MYO16: variants seen among roughly 807,000 people sequenced by gnomAD.
MYO16 encodes unconventional myosin-XVI.
In MYO16, 94 loss-of-function variants were observed where a neutral mutation model predicts 205.3. The ratio of observed to expected loss-of-function variants is 0.46; its 90% CI spans 0.39 to 0.54. MYO16 has a LOEUF of 0.54. MYO16 is among the 20% of genes least tolerant of loss of function. The pLI is 0.00. For missense variants in MYO16, 2,315 were observed against 2,387.5 expected (o/e 0.97, Z 0.63); for synonymous variants, 988 against 954.0 (o/e 1.04, Z -0.66).
chr13:108,510,485 T>TTTTTTTTTTTTTTTTTTTTA, the MYO16 span, among the ~76,000 whole-genome samples: 1 of 96,440 alleles, frequency 1.0e-5, no homozygotes, highest in Non-Finnish European at 2.2e-5. Flanking sequence ...TTTTTTTTTT[T>TTTTTTTTTTTTTTTTTTTTA]ATTGTACTTT....
At chr13:109,040,282 G>GA (rs1197275863) in intron 23 of MYO16, among the ~76,000 whole-genome samples, 1 of 150,838 alleles carries the variant, frequency 6.6e-6, no homozygotes, top group African/African-American at 2.4e-5. Flanking sequence ...ATCTTTTCTA[G>GA]AAAATAGAAA....
intron 23 of MYO16, among the ~76,000 whole-genome samples, chr13:109,023,040 T>A (rs1886148143): frequency 7.4e-6 from 1 of 134,368 alleles, no homozygotes; most frequent in Non-Finnish European, 1.5e-5. Flanking sequence ...TATATATTAA[T>A]ACACACATGT....
At position 109,055,673 on chromosome 13, in the gene MYO16, A is replaced by C; in HGVS notation, c.3335+78A>C. 7.5e-7 allele frequency: 1 copy of C among 1,325,014 alleles called. No individual in the cohort carries two copies. 82.1% of individuals were successfully genotyped at this position (1,325,014 alleles called of 1,614,324 possible). On this transcript the variant is annotated intron_variant, in intron 27 of 34. Coordinates refer to ENST00000457511, the MANE Select transcript of MYO16 (RefSeq NM_001198950.3). The surrounding 1 kb of genome is among the most constrained non-coding windows in gnomAD (Gnocchi z 5.0). ...TACTGACACTGACACTATTGTAGCAAGGGTCTTCTGTTGTCTTTTTTGGCA... is the reference window on the plus strand; with the variant it reads ...TACTGACACTGACACTATTGTAGCACGGGTCTTCTGTTGTCTTTTTTGGCA...
chr13:108,556,980 C>G, the MYO16 span, among the ~76,000 whole-genome samples: 3 of 151,964 alleles, frequency 2.0e-5, no homozygotes, highest in Admixed American at 6.6e-5. Flanking sequence ...TATTTTGTTC[C>G]ATTAGCCTAT....
chr13:109,179,095 C>G (rs1879343302), intron 33 of MYO16, among the ~76,000 whole-genome samples: 1 of 152,282 alleles, frequency 6.6e-6, no homozygotes, highest in East Asian at 1.9e-4. Flanking sequence ...ATCAGACACA[C>G]AGGCTTAGTT....
chr13:108,979,465 T>C (rs1052929240), intron 20 of MYO16, among the ~76,000 whole-genome samples: 1 of 152,110 alleles, frequency 6.6e-6, no homozygotes, highest in Non-Finnish European at 1.5e-5. Flanking sequence ...TGACACACCA[T>C]GTTTTTCCCT....
the MYO16 span, among the ~76,000 whole-genome samples, chr13:108,508,253 GA>G: frequency 0.44 from 63,204 of 144,838 alleles, 13,615 homozygotes; most frequent in Middle Eastern, 0.53. Flanking sequence ...TTGGGCATTT[GA>G]AAAAAAAAAA....
At chr13:109,095,013 CACAGACTTTGTGCTCAGTCAAT>C (rs1217905077) in intron 27 of MYO16, among the ~76,000 whole-genome samples, 2 of 152,214 alleles carry the variant, frequency 1.3e-5, no homozygotes, top group African/African-American at 4.8e-5. Flanking sequence ...GCATCCCCAG[CACAGACTTTGTGCTCAGTCAAT>C]ACTGGTGAAT....
chr13:108,934,157 G>C (rs545804887), intron 16 of MYO16, among the ~76,000 whole-genome samples: 2 of 152,208 alleles, frequency 1.3e-5, no homozygotes, highest in Non-Finnish European at 2.9e-5. Flanking sequence ...TGAGTTTCTT[G>C]AGAACTCTCC....
intron 22 of MYO16, among the ~76,000 whole-genome samples, chr13:109,013,108 T>TCCCCCCCCCCCCCCCCCCCCC (rs1177754621): frequency 6.1e-5 from 2 of 32,612 alleles, no homozygotes; most frequent in African/African-American, 1.1e-4. Flanking sequence ...ATGCTACCCC[T>TCCCCCCCCCCCCCCCCCCCCC]CCCCCACCCC....
chr13:109,082,702 G>C (rs922458601), intron 27 of MYO16, among the ~76,000 whole-genome samples: 4 of 152,032 alleles, frequency 2.6e-5, no homozygotes, highest in African/African-American at 9.7e-5. Flanking sequence ...GGGCCTGGTG[G>C]CCCTCGCCTG....
intron 32 of MYO16, among the ~76,000 whole-genome samples, chr13:109,153,966 C>T (rs1388696984): frequency 2.0e-5 from 3 of 152,250 alleles, no homozygotes; most frequent in African/African-American, 7.2e-5. Flanking sequence ...CTGGCACCTG[C>T]CCTGTGGCCC....
At chr13:108,721,398 TTGG>T (rs771731361) in intron 3 of MYO16, among the ~76,000 whole-genome samples, 1 of 152,150 alleles carries the variant, frequency 6.6e-6, no homozygotes, top group Non-Finnish European at 1.5e-5. Context: ...TGGATAAAGA[TTGG>T]TGGAGTCCAG....
At chr13:109,080,518 C>G (rs558423251) in intron 27 of MYO16, among the ~76,000 whole-genome samples, 2 of 149,418 alleles carry the variant, frequency 1.3e-5, no homozygotes, top group African/African-American at 4.9e-5. Context: ...ACCACATGGT[C>G]AAAAATGCAT....
rs546810564 is a variant in MYO16 at position 108,860,370 on chromosome 13, A to G, written c.1359+4817A>G. On this transcript the variant is annotated intron_variant, in intron 11 of 34. Coordinates refer to ENST00000457511, the MANE Select transcript of MYO16 (RefSeq NM_001198950.3). ...CTTTTTTATGGCTGCATAGTCCTCT[A>G]TGATGCACATGTACCATTCTTTCTT... 2.4e-3 allele frequency among the ~76,000 whole-genome samples: 358 copies of G among 152,262 alleles called. 1 individual carries two copies. Among genetic ancestry groups the G allele is most frequent in the African/African-American group, 7.5e-3 (313 of 41,540 alleles).
the MYO16 span, among the ~76,000 whole-genome samples, chr13:108,555,378 A>AT: frequency 6.6e-6 from 1 of 152,204 alleles, no homozygotes; most frequent in Non-Finnish European, 1.5e-5. Context: ...TTGAAATAGA[A>AT]TTTGGAGCCA....
the MYO16 span, among the ~76,000 whole-genome samples, chr13:108,541,943 C>A: frequency 6.6e-6 from 1 of 152,156 alleles, no homozygotes; most frequent in Non-Finnish European, 1.5e-5. Flanking sequence ...CCATTTGACT[C>A]GGCAATCCCA....
chr13:108,798,541 G>C lies in MYO16; in HGVS notation c.741+4901G>C, dbSNP rs954685124. 7.1e-4 allele frequency among the ~76,000 whole-genome samples: 108 copies of C among 152,146 alleles called. 1 individual carries two copies. Among genetic ancestry groups the C allele is most frequent in the Admixed American group, 3.9e-3 (60 of 15,290 alleles). On this transcript the variant is annotated intron_variant, in intron 6 of 34. Coordinates refer to ENST00000457511, the MANE Select transcript of MYO16 (RefSeq NM_001198950.3). ...ATTTTAATAAACACCATGTTACAGA[G>C]TATATGAAGGTGAATTCATCAGTTT...
At chr13:108,806,293 A>C (rs561729337) in intron 6 of MYO16, among the ~76,000 whole-genome samples, 2 of 152,200 alleles carry the variant, frequency 1.3e-5, no homozygotes, top group South Asian at 4.1e-4. Context: ...TTTCTATAGC[A>C]CTAATACAAT....
Sources: gnomAD v4.1 joint callset for allele counts (sites outside exome capture counted in the v4.1 genomes callset) on GRCh38, gnomAD v4.1.1 for gene constraint, Gnocchi (gnomAD v3.1) non-coding constraint, MANE v1.5 for transcripts, NCBI Gene and HGNC (gene_info 2026-07-23, HGNC 2026-07-21) for gene names.